DCDC2: variants seen among roughly 807,000 people sequenced by gnomAD.
The protein encoded by DCDC2 is doublecortin domain-containing protein 2.
In DCDC2, 40 loss-of-function variants were observed where a neutral mutation model predicts 50.2. That is an observed-to-expected ratio of 0.80 (90% CI 0.62 to 1.04). The LOEUF is 1.04. DCDC2 is among the 50% of genes least tolerant of loss of function. The pLI, the probability that DCDC2 is intolerant of heterozygous loss-of-function variation, is 0.00. For missense variants in DCDC2, 570 were observed against 581.9 expected, an observed-to-expected ratio of 0.98 and a Z score of 0.21; for synonymous variants, 234 against 210.6, an observed-to-expected ratio of 1.11 and a Z score of -0.96.
intron 7 of DCDC2, among the ~76,000 whole-genome samples, chr6:24,275,064 C>T (rs1213371712): frequency 6.6e-6 from 1 of 152,110 alleles, no homozygotes; most frequent in East Asian, 1.9e-4. Context: ...TGAGTTCTTA[C>T]ACCCTTCACT....
chr6:24,198,598 G>T (rs1056545328), intron 8 of DCDC2, among the ~76,000 whole-genome samples: 1 of 151,884 alleles, frequency 6.6e-6, no homozygotes, highest in Non-Finnish European at 1.5e-5. Flanking sequence ...CAGACACCAA[G>T]CTAGCTACAG....
the DCDC2 span, among the ~76,000 whole-genome samples, chr6:24,374,577 C>CA: frequency 4.3e-3 from 247 of 57,460 alleles, 10 homozygotes; most frequent in African/African-American, 0.017. Context: ...AGACTCCATC[C>CA]AAAAAAAAAA....
At chr6:24,268,234 TC>T (rs1445970806) in intron 7 of DCDC2, among the ~76,000 whole-genome samples, 1 of 152,096 alleles carries the variant, frequency 6.6e-6, no homozygotes, top group Non-Finnish European at 1.5e-5. Flanking sequence ...CGCCTGTAAT[TC>T]CGGCACTTTG....
In DCDC2 at chr6:24,174,778, T is replaced by C; in HGVS notation, c.1383A>G (p.Glu461=). The change falls in exon 10 of 10, where the codon GAA becomes GAG. Residue 461 remains glutamate, a synonymous_variant. Transcript: ENST00000378454. Reference sequence around the variant, plus strand: ...TGTTTTGTTGGTTGTTTTCATTTTCTTCTGGACTGGTAATTTTTACTTCTG... The same window carrying C: ...TGTTTTGTTGGTTGTTTTCATTTTCCTCTGGACTGGTAATTTTTACTTCTG... ...PRPEVKITSP[E]ENENNQQNKD... 1 of 1,613,866 alleles carries C rather than the reference T, an allele frequency of 6.2e-7. No homozygotes were observed. Among genetic ancestry groups the C allele is most frequent in the Non-Finnish European group, 8.5e-7 (1 of 1,179,858 alleles).
chr6:24,293,610 T>A (rs72830874), intron 4 of DCDC2, among the ~76,000 whole-genome samples: 1 of 152,094 alleles, frequency 6.6e-6, no homozygotes, highest in Non-Finnish European at 1.5e-5. Flanking sequence ...CCACTGACAG[T>A]ATTAGATAGA....
chr6:24,362,755 G>T (rs530465769), upstream of DCDC2, among the ~76,000 whole-genome samples: 1 of 152,166 alleles, frequency 6.6e-6, no homozygotes, highest in African/African-American at 2.4e-5. Context: ...TATGTTTCCT[G>T]TCTCCACAAA....
intron 7 of DCDC2, among the ~76,000 whole-genome samples, chr6:24,232,338 G>A (rs1296324011): frequency 6.6e-6 from 1 of 152,092 alleles, no homozygotes; most frequent in Non-Finnish European, 1.5e-5. Flanking sequence ...ACAAACAGAA[G>A]GACATTCTCT....
chr6:24,308,963 G>A (rs557415008), intron 2 of DCDC2, among the ~76,000 whole-genome samples: 40 of 152,106 alleles, frequency 2.6e-4, no homozygotes, highest in African/African-American at 9.4e-4. Context: ...CTTCAAACAC[G>A]GAAAATAATA....
chr6:24,359,421 A>ATATATTTATATATATTATATAG (rs1353063793), upstream of DCDC2, among the ~76,000 whole-genome samples: 6 of 71,736 alleles, frequency 8.4e-5, no homozygotes, highest in African/African-American at 3.9e-4. Flanking sequence ...ATTATATATT[A>ATATATTTATATATATTATATAG]TATATATTTA....
chr6:24,198,538 C>T (rs1263328098), intron 8 of DCDC2, among the ~76,000 whole-genome samples: 1 of 152,198 alleles, frequency 6.6e-6, no homozygotes, highest in Non-Finnish European at 1.5e-5. Context: ...CAGGTGCCTA[C>T]ACCACCAAGG....
At chr6:24,233,689 C>G (rs531051592) in intron 7 of DCDC2, among the ~76,000 whole-genome samples, 2 of 152,118 alleles carry the variant, frequency 1.3e-5, no homozygotes, top group East Asian at 3.9e-4. Context: ...GGAAAGGAGC[C>G]AAAAAGAAGT....
intron 7 of DCDC2, among the ~76,000 whole-genome samples, chr6:24,231,428 C>G (rs943185588): frequency 6.6e-6 from 1 of 152,166 alleles, no homozygotes; most frequent in Non-Finnish European, 1.5e-5. Context: ...GAAGCTGACT[C>G]TTTCTCTGGA....
At chr6:24,358,888 T>TATATAATATA (rs1561788413), upstream of DCDC2, among the ~76,000 whole-genome samples, 2 of 14,884 alleles carry the variant, frequency 1.3e-4, no homozygotes, top group African/African-American at 4.1e-4. Flanking sequence ...ATTATATATA[T>TATATAATATA]TTATATATAT....
the DCDC2 span, among the ~76,000 whole-genome samples, chr6:24,382,883 T>C: frequency 6.6e-6 from 1 of 152,238 alleles, no homozygotes; most frequent in African/African-American, 2.4e-5. Context: ...ATCAGTTTTT[T>C]AGTCAGTAAC....
the DCDC2 span, among the ~76,000 whole-genome samples, chr6:24,369,935 A>C: frequency 6.6e-6 from 1 of 151,926 alleles, no homozygotes; most frequent in Non-Finnish European, 1.5e-5. Flanking sequence ...CCAGCTACTC[A>C]GGAGGCTGAG....
At position 24,293,607 on chromosome 6, in the gene DCDC2, C is replaced by T. The variant is rs186415760; in HGVS notation, c.558-2529G>A. 4.1e-3 allele frequency among the ~76,000 whole-genome samples: 619 copies of T among 152,294 alleles called. 9 individuals carry two copies. Among genetic ancestry groups the T allele is most frequent in the African/African-American group, 0.014 (590 of 41,542 alleles). On this transcript the variant is annotated intron_variant, in intron 4 of 9. Transcript: ENST00000378454. The stretch of plus-strand genomic sequence containing the variant: ...GTGGGAAACTTCAACACTCCACTGA[C>T]AGTATTAGATAGATCATAAAAGCAG...
intron 7 of DCDC2, among the ~76,000 whole-genome samples, chr6:24,247,999 A>G (rs1307098131): frequency 1.3e-5 from 2 of 152,120 alleles, no homozygotes. Context: ...TCACTTGAAC[A>G]CGGGAGGCAG....
intron 2 of DCDC2, among the ~76,000 whole-genome samples, chr6:24,310,086 T>G (rs139213054): frequency 0.014 from 2,204 of 152,312 alleles, 18 homozygotes; most frequent in Middle Eastern, 0.044. Context: ...AATGCAAAAT[T>G]ACAAAAGAAA....
intron 6 of DCDC2, among the ~76,000 whole-genome samples, chr6:24,283,396 C>T (rs1172224311): frequency 6.6e-6 from 1 of 151,260 alleles, no homozygotes; most frequent in Non-Finnish European, 1.5e-5. Context: ...CAGTTACGCA[C>T]CAGCAGGGGT....
Sources: gnomAD v4.1 joint callset for allele counts (sites outside exome capture counted in the v4.1 genomes callset) on GRCh38, gnomAD v4.1.1 for gene constraint, MANE v1.5 for transcripts, NCBI Gene and HGNC (gene_info 2026-07-23, HGNC 2026-07-21) for gene names.